The following IRF5 variants were observed in gnomAD, a reference collection of about 807,000 sequenced individuals.
IRF5 encodes interferon regulatory factor 5.
In IRF5, 24 loss-of-function variants were observed where a neutral mutation model predicts 55.1. The ratio of observed to expected loss-of-function variants is 0.44; its 90% CI spans 0.32 to 0.61. The LOEUF (loss-of-function observed/expected upper bound fraction) is 0.61, where lower values mean the gene tolerates loss of function less well. Ranked by LOEUF, IRF5 falls within the 20% of genes least tolerant of loss-of-function variation. IRF5 has a pLI of 0.07. For missense variants in IRF5, 499 were observed against 658.5 expected (o/e 0.76, Z 2.65); for synonymous variants, 258 against 260.2 (o/e 0.99, Z 0.08).
chr7:128,942,183 A>C lies in IRF5; in HGVS notation c.102A>C (p.Gln34His). 6.2e-7 allele frequency: 1 copy of C among 1,614,026 alleles called. No individual in the cohort carries two copies. The highest frequency in any genetic ancestry group is 1.1e-5 in the South Asian group (1 of 91,080). Reference sequence around the variant, plus strand: ...ACAGCTGCCAGTACCCAGGGCTTCAATGGGTCAACGGGGAAAAGAAATTAT... The same window carrying C: ...ACAGCTGCCAGTACCCAGGGCTTCACTGGGTCAACGGGGAAAAGAAATTAT... Reference protein sequence around the residue: ...QVNSCQYPGLQWVNGEKKLFC... With the variant: ...QVNSCQYPGLHWVNGEKKLFC... Residue 34 changes from glutamine to histidine, a missense_variant, in exon 2 of 9, where the codon CAA becomes CAC. This residue lies in a region of IRF5 where 305 missense variants were observed against 340.2 expected (regional missense o/e 0.90). Coordinates refer to ENST00000357234, the MANE Select transcript of IRF5 (RefSeq NM_001098629.3).
At chr7:128,938,774 G>C (rs1795867410) in intron 1 of IRF5, among the ~76,000 whole-genome samples, 1 of 152,166 alleles carries the variant, frequency 6.6e-6, no homozygotes. Context: ...GAGGCTAAAC[G>C]TGGAGGAAAA....
At position 128,948,528 on chromosome 7, in the gene IRF5, G is replaced by A; in HGVS notation, c.1300-45G>A. The A allele has an allele frequency of 6.2e-7, 1 of 1,607,574 alleles. No homozygotes were observed. The highest frequency in any genetic ancestry group is 8.5e-7 in the Non-Finnish European group (1 of 1,178,360). ...TCCTCATGCACAGCTGGATCTGGCA[G>A]CCCTGCCACAGGTCTCCCTGTCTCA... On this transcript the variant is annotated intron_variant, in intron 8 of 8. Transcript: ENST00000357234. This position sits in a 1 kb window ranked among gnomAD's most constrained non-coding sequence, Gnocchi z 4.6.
intron 1 of IRF5, chr7:128,941,553 A>T (rs1193362462): frequency 6.6e-6 from 1 of 152,442 alleles, no homozygotes; most frequent in East Asian, 1.9e-4. Context: ...CTCTCAGGGG[A>T]TGGAGGGTGA....
At position 128,947,296 on chromosome 7, in the gene IRF5, C is replaced by T. The variant is rs761623021; in HGVS notation, c.548C>T (p.Pro183Leu). ...CTCAAAGAGGATGTCAAGTGGCCGC[C>T]CACTCTGCAGCCGCCCACTCTGCGG... ...SLLKEDVKWP[P>L]TLQPPTLRPP... Residue 183 changes from proline to leucine, a missense_variant, in exon 6 of 9, where the codon CCC (proline) becomes CTC (leucine). By Grantham distance (98) the Pro-to-Leu change is moderately conservative (BLOSUM62 -3). This residue lies in a region of IRF5 where 305 missense variants were observed against 340.2 expected (regional missense o/e 0.90). Transcript: ENST00000357234. This position sits in a 1 kb window ranked among gnomAD's most constrained non-coding sequence, Gnocchi z 6.5. The T allele has an allele frequency of 6.2e-7, 1 of 1,608,374 alleles. No individual in the cohort carries two copies. The highest frequency in any genetic ancestry group is 1.3e-5 in the African/African-American group (1 of 74,700).
rs1203783371 is a variant in IRF5 at position 128,946,541 on chromosome 7, G to C, written c.426G>C (p.Glu142Asp). 3.1e-6 allele frequency: 5 copies of C among 1,606,032 alleles called. No homozygotes were observed. Among genetic ancestry groups the C allele is most frequent in the Non-Finnish European group, 4.3e-6 (5 of 1,175,996 alleles). ...AGGATTACTCTTTTGGTGCAGGAGA[G>C]GAGGAGGAAGAAGAGGAAGAGGTGA... Reference protein sequence around the residue: ...PPEDYSFGAGEEEEEEEELQR... With the variant: ...PPEDYSFGAGDEEEEEEELQR... The change falls in exon 4 of 9, where the codon GAG becomes GAC. Residue 142 changes from glutamate (E) to aspartate (D), a missense_variant. Physicochemically the swap from Glu to Asp is conservative, Grantham distance 45. Transcript: ENST00000357234. The surrounding 1 kb of genome is among the most constrained non-coding windows in gnomAD (Gnocchi z 4.2).
chr7:128,938,244 G>A (rs1795839309), intron 1 of IRF5, 195 bp downstream of exon 1: 1 of 152,548 alleles, frequency 6.6e-6, no homozygotes, highest in East Asian at 1.9e-4. Context: ...AAGCGAGCTC[G>A]GGTGGGTGCC....
intron 2 of IRF5, 63 bp downstream of exon 2, chr7:128,942,339 A>G (rs1043307209): frequency 1.7e-5 from 25 of 1,446,224 alleles, no homozygotes; most frequent in Admixed American, 4.0e-5. Context: ...AGAGGAGCGC[A>G]CATAACGCAC....
chr7:128,949,014 C>T lies in IRF5; in HGVS notation c.*196C>T. 1 of 643,290 alleles carries T rather than the reference C, an allele frequency of 1.6e-6. No individual in the cohort carries two copies. Among genetic ancestry groups the T allele is most frequent in the Non-Finnish European group, 2.6e-6 (1 of 379,626 alleles). 39.8% of individuals were successfully genotyped at this position (643,290 alleles called of 1,614,324 possible). ...CCCGGGCCTTTCTCTCCTGGGCTGT[C>T]TCTGGTCTGGTCAGCCTGGCTCTCG... On this transcript the variant is annotated 3_prime_UTR_variant, in exon 9 of 9. Transcript: ENST00000357234.
intron 2 of IRF5, among the ~76,000 whole-genome samples, chr7:128,943,707 A>ATTTTTTTTTTTTTTTTTTTT (rs61451031): frequency 4.2e-5 from 3 of 71,928 alleles, no homozygotes; most frequent in East Asian, 6.3e-4. Context: ...TGCCCGGCTA[A>ATTTTTTTTTTTTTTTTTTTT]TTTTTTTTTT....
Position 128,948,566 on chromosome 7 carries a change from C to T in IRF5, c.1300-7C>T. The stretch of plus-strand genomic sequence containing the variant: ...TCTCCCTGTCTCATCTCCTCTTTGC[C>T]TCCCAGGTGGTGCCTGTAGCAGCTC... On this transcript the variant is annotated splice_polypyrimidine_tract_variant and splice_region_variant and intron_variant, in intron 8 of 8. Coordinates refer to ENST00000357234, the MANE Select transcript of IRF5 (RefSeq NM_001098629.3). The surrounding 1 kb of genome is among the most constrained non-coding windows in gnomAD (Gnocchi z 4.6). 6.2e-7 allele frequency: 1 copy of T among 1,613,398 alleles called. No homozygotes were observed.
chr7:128,948,831 C>G lies in IRF5; in HGVS notation c.*13C>G. 1 of 1,595,300 alleles carries G rather than the reference C, an allele frequency of 6.3e-7. No individual in the cohort carries two copies. Among genetic ancestry groups the G allele is most frequent in the Non-Finnish European group, 8.5e-7 (1 of 1,176,770 alleles). On this transcript the variant is annotated 3_prime_UTR_variant, in exon 9 of 9. Coordinates refer to ENST00000357234, the MANE Select transcript of IRF5 (RefSeq NM_001098629.3). This position sits in a 1 kb window ranked among gnomAD's most constrained non-coding sequence, Gnocchi z 4.6. Reference sequence around the variant, plus strand: ...TGGCATGCAATAACAAGGCTGCAGACGGTGACTGGCCCTGGCTTCCTGGGT... The same window carrying G: ...TGGCATGCAATAACAAGGCTGCAGAGGGTGACTGGCCCTGGCTTCCTGGGT...
chr7:128,945,463 T>C (rs535381710), intron 2 of IRF5, among the ~76,000 whole-genome samples: 1 of 152,094 alleles, frequency 6.6e-6, no homozygotes, highest in South Asian at 2.1e-4. Flanking sequence ...TGTGAGGAGA[T>C]CAAGACAAAG....
chr7:128,945,696 C>A, intron 2 of IRF5, 149 bp from the exon 3 acceptor site: 1 of 712,538 alleles, frequency 1.4e-6, no homozygotes. Flanking sequence ...GGCAGACTCC[C>A]ACGCTGCAAA....
chr7:128,942,409 C>A (rs760507513), intron 2 of IRF5, 133 bp downstream of exon 2: 2 of 715,972 alleles, frequency 2.8e-6, no homozygotes, highest in East Asian at 2.9e-5. Flanking sequence ...TGATGCCGGG[C>A]CCGGACTAAG....
Position 128,946,080 on chromosome 7 carries a change from G to T in IRF5, c.385+46G>T. ...TGGGCCACCTGGGAGGCTGTGCAAT[G>T]TCCTGGCCCCCAGCCATGAGCTCTT... On this transcript the variant is annotated intron_variant, in intron 3 of 8. Coordinates refer to ENST00000357234, the MANE Select transcript of IRF5 (RefSeq NM_001098629.3). This position sits in a 1 kb window ranked among gnomAD's most constrained non-coding sequence, Gnocchi z 4.2. 1 of 1,511,058 alleles carries T rather than the reference G, an allele frequency of 6.6e-7. No individual in the cohort carries two copies. The allele number at this position is 1,511,058 out of a possible 1,614,324, so 93.6% of individuals were successfully genotyped here. A position where few individuals can be genotyped will look rare whatever the true frequency, so the allele number is the denominator to read the frequency against.
upstream of IRF5, among the ~76,000 whole-genome samples, chr7:128,937,185 C>T (rs1307727819): frequency 2.6e-5 from 4 of 152,218 alleles, no homozygotes; most frequent in South Asian, 4.1e-4. Context: ...CCAGAGAAGG[C>T]GATGCTGAAA....
rs1030539169 is a variant in IRF5, at chr7:128,942,186, G to T, written c.105G>T (p.Trp35Cys). Residue 35 changes from tryptophan to cysteine, a missense_variant, in exon 2 of 9, where the codon TGG becomes TGT. Trp to Cys is a radical substitution (Grantham distance 215). Transcript: ENST00000357234. ...GCTGCCAGTACCCAGGGCTTCAATG[G>T]GTCAACGGGGAAAAGAAATTATTCT... Reference protein sequence around the residue: ...VNSCQYPGLQWVNGEKKLFCI... With the variant: ...VNSCQYPGLQCVNGEKKLFCI... 1.9e-6 allele frequency: 3 copies of T among 1,613,936 alleles called. No homozygotes were observed. Among genetic ancestry groups the T allele is most frequent in the Non-Finnish European group, 2.5e-6 (3 of 1,179,990 alleles).
intron 1 of IRF5, chr7:128,938,343 G>A (rs1270893484): frequency 6.6e-6 from 1 of 152,342 alleles, no homozygotes; most frequent in African/African-American, 2.4e-5. Flanking sequence ...GGGGAGCCCA[G>A]TGACCCAGGC....
chr7:128,949,972 A>C lies in IRF5; in HGVS notation c.*1154A>C, dbSNP rs1796534480. 1.3e-5 allele frequency: 2 copies of C among 152,314 alleles called. No homozygotes were observed. Among genetic ancestry groups the C allele is most frequent in the South Asian group, 4.1e-4 (2 of 4,824 alleles). The allele number at this position is 152,314 out of a possible 1,614,324, so 9.4% of individuals were successfully genotyped here. On this transcript the variant is annotated 3_prime_UTR_variant, in exon 9 of 9. Coordinates refer to ENST00000357234, the MANE Select transcript of IRF5 (RefSeq NM_001098629.3). ...GCTGCCCCAGGCCCTTACCAGGTGC[A>C]GATGCCCAATCTTGATGCCCAGCCA...
Sources: gnomAD v4.1 joint callset for allele counts (sites outside exome capture counted in the v4.1 genomes callset) on GRCh38, gnomAD v4.1.1 for gene constraint, gnomAD v4.1.1 regional missense constraint, Gnocchi (gnomAD v3.1) non-coding constraint, MANE v1.5 for transcripts, NCBI Gene and HGNC (gene_info 2026-07-23, HGNC 2026-07-21) for gene names.